The following ARHGEF3 variants were observed in gnomAD, a reference collection of about 807,000 sequenced individuals.
ARHGEF3 encodes 59.8 kDA protein.
ARHGEF3 carries 28 observed loss-of-function variants against 63.2 expected under a neutral mutation model. The observed-to-expected ratio is 0.44, with a 90% CI of 0.33 to 0.61. The LOEUF (loss-of-function observed/expected upper bound fraction) is 0.61, where lower values mean the gene tolerates loss of function less well. Ranked by LOEUF, ARHGEF3 falls within the 20% of genes least tolerant of loss-of-function variation. The pLI, the probability that ARHGEF3 is intolerant of heterozygous loss-of-function variation, is 0.03. For missense variants in ARHGEF3, 533 were observed against 659.3 expected, an observed-to-expected ratio of 0.81 and a Z score of 2.10; for synonymous variants, 266 against 254.2, an observed-to-expected ratio of 1.05 and a Z score of -0.44.
intron 6 of ARHGEF3, among the ~76,000 whole-genome samples, chr3:56,746,098 C>T (rs62252662): frequency 1.0e-3 from 159 of 152,326 alleles, no homozygotes; most frequent in South Asian, 2.1e-3. Context: ...AGAGATTCAA[C>T]GGAAAAGGCT....
chr3:56,950,529 A>G (rs950009035), intron 3 of ARHGEF3, among the ~76,000 whole-genome samples: 1 of 152,150 alleles, frequency 6.6e-6, no homozygotes, highest in African/African-American at 2.4e-5. Context: ...ACATGAAAAA[A>G]TGCTCATCAT....
intron 1 of ARHGEF3, among the ~76,000 whole-genome samples, chr3:57,041,157 G>A (rs1324885433): frequency 6.6e-6 from 1 of 152,154 alleles, no homozygotes; most frequent in African/African-American, 2.4e-5. Flanking sequence ...ATTCCATTCT[G>A]TTCCTAGTTC....
intron 2 of ARHGEF3, among the ~76,000 whole-genome samples, chr3:56,976,058 T>A (rs981130767): frequency 6.6e-6 from 1 of 152,228 alleles, no homozygotes; most frequent in African/African-American, 2.4e-5. Flanking sequence ...GTTGTTGTTG[T>A]TGAGACAGAG....
chr3:56,883,228 A>G (rs924586849), intron 3 of ARHGEF3, among the ~76,000 whole-genome samples: 16 of 152,218 alleles, frequency 1.1e-4, no homozygotes, highest in African/African-American at 3.9e-4. Context: ...ACTGAAGATA[A>G]CTGTATTTGA....
intron 4 of ARHGEF3, among the ~76,000 whole-genome samples, chr3:56,846,738 A>G (rs2039504187): frequency 6.6e-6 from 1 of 152,148 alleles, no homozygotes; most frequent in Non-Finnish European, 1.5e-5. Flanking sequence ...AGACCCAGCC[A>G]TGGACCAAAT....
In ARHGEF3 at chr3:56,809,210, G is replaced by A. The variant is rs150517502; in HGVS notation, c.193-35394C>T. Among the ~76,000 whole-genome samples, 1,478 of 152,272 alleles carry A rather than the reference G, an allele frequency of 9.7e-3. 67 individuals are homozygous for A. In the East Asian group the frequency reaches 0.099, roughly 10 times the overall value. ...AACACAAGACAGACAAAAGAATAAA[G>A]AGGAATATAGGAGTAAGGGAGTGAG... On this transcript the variant is annotated intron_variant, in intron 4 of 12. Transcript: ENST00000338458.
intron 3 of ARHGEF3, among the ~76,000 whole-genome samples, chr3:56,914,238 T>A (rs1351066586): frequency 1.3e-5 from 2 of 152,176 alleles, no homozygotes; most frequent in Non-Finnish European, 2.9e-5. Flanking sequence ...AACTTACTCA[T>A]GTAACCAAAT....
At chr3:57,068,639 C>T (rs1470722002) in intron 1 of ARHGEF3, among the ~76,000 whole-genome samples, 3 of 152,208 alleles carry the variant, frequency 2.0e-5, no homozygotes, top group African/African-American at 7.2e-5. Context: ...TGGAGAGAAA[C>T]AGTCCTCCCC....
intron 3 of ARHGEF3, 135 bp downstream of exon 3, chr3:56,754,846 A>G: frequency 1.7e-6 from 2 of 1,198,512 alleles, no homozygotes; most frequent in Non-Finnish European, 2.3e-6. Context: ...CCCCAAGGTC[A>G]GACACTCTTG....
At chr3:57,002,649 G>A (rs376774504) in intron 2 of ARHGEF3, among the ~76,000 whole-genome samples, 2 of 148,006 alleles carry the variant, frequency 1.4e-5, no homozygotes, top group Non-Finnish European at 1.5e-5. Flanking sequence ...ATAGGTAAAC[G>A]TGTGTGTCAT....
chr3:56,779,668 C>T (rs1241173339), intron 1 of ARHGEF3, among the ~76,000 whole-genome samples: 3 of 152,194 alleles, frequency 2.0e-5, no homozygotes, highest in Non-Finnish European at 4.4e-5. Flanking sequence ...CCCCACTCCA[C>T]CCAGCATGGG....
At chr3:56,769,453 T>C (rs1032263583) in intron 2 of ARHGEF3, among the ~76,000 whole-genome samples, 9 of 152,252 alleles carry the variant, frequency 5.9e-5, no homozygotes, top group Admixed American at 1.3e-4. Context: ...GAGAAGCAGA[T>C]AGAGAGCCAT....
At chr3:57,051,535 G>C (rs949225399) in intron 1 of ARHGEF3, among the ~76,000 whole-genome samples, 2 of 152,134 alleles carry the variant, frequency 1.3e-5, no homozygotes, top group African/African-American at 4.8e-5. Flanking sequence ...TTACAGATAA[G>C]GGTTGGATGA....
At chr3:56,745,134 C>T in intron 7 of ARHGEF3, 71 bp downstream of exon 7, 2 of 1,544,952 alleles carry the variant, frequency 1.3e-6, no homozygotes, top group Non-Finnish European at 1.8e-6. Context: ...TTCCATTCAC[C>T]CACTGACCCA....
At chr3:56,982,686 G>GTGAA (rs1405338449) in intron 2 of ARHGEF3, among the ~76,000 whole-genome samples, 9 of 152,284 alleles carry the variant, frequency 5.9e-5, no homozygotes, top group African/African-American at 1.7e-4. Flanking sequence ...TATACATCCG[G>GTGAA]TGAATGAATG....
At chr3:57,046,369 T>C (rs1209004405) in intron 1 of ARHGEF3, among the ~76,000 whole-genome samples, 2 of 152,186 alleles carry the variant, frequency 1.3e-5, no homozygotes, top group Admixed American at 6.5e-5. Flanking sequence ...CAATATCTCA[T>C]AGGTTCTGGC....
intron 4 of ARHGEF3, among the ~76,000 whole-genome samples, chr3:56,873,220 TTTG>T (rs1251164701): frequency 1.3e-4 from 2 of 15,726 alleles, no homozygotes; most frequent in East Asian, 7.2e-3. Flanking sequence ...TTGTGCTATG[TTTG>T]TTTTTTTTTT....
intron 3 of ARHGEF3, among the ~76,000 whole-genome samples, chr3:56,920,775 G>A (rs996780599): frequency 1.6e-4 from 25 of 152,278 alleles, no homozygotes; most frequent in African/African-American, 6.0e-4. Context: ...GGCCAAGGCC[G>A]GGCACGATGG....
At chr3:56,833,881 T>C (rs2039011523) in intron 4 of ARHGEF3, among the ~76,000 whole-genome samples, 1 of 151,784 alleles carries the variant, frequency 6.6e-6, no homozygotes, top group Non-Finnish European at 1.5e-5. Context: ...AACTGTTCAA[T>C]TTTTCTGGAT....
Sources: gnomAD v4.1 joint callset for allele counts (sites outside exome capture counted in the v4.1 genomes callset) on GRCh38, gnomAD v4.1.1 for gene constraint, MANE v1.5 for transcripts, NCBI Gene and HGNC (gene_info 2026-07-23, HGNC 2026-07-21) for gene names.